Variants in NEK10 observed in about 807,000 individuals in gnomAD.
NEK10 encodes NIMA related kinase 10, also known as serine/threonine-protein kinase Nek10.
In NEK10, 122 loss-of-function variants were observed where a neutral mutation model predicts 159.8. The observed-to-expected ratio is 0.76, with a 90% CI of 0.66 to 0.89. The LOEUF is 0.89. Among genes scored for constraint, NEK10 ranks in the 40% least tolerant of loss-of-function variants. The pLI, the probability that NEK10 is intolerant of heterozygous loss-of-function variation, is 0.00. For synonymous variants in NEK10, 466 were observed against 457.1 expected (o/e 1.02, Z -0.25); for missense variants, 1,342 against 1,323.1 (o/e 1.01, Z -0.22).
intron 5 of NEK10, among the ~76,000 whole-genome samples, chr3:27,323,140 G>A (rs762517280): frequency 2.0e-5 from 3 of 152,160 alleles, no homozygotes; most frequent in African/African-American, 7.2e-5. Context: ...GAGAGTGGGA[G>A]AAACAGGAAA....
chr3:27,284,765 A>T (rs2042452695), intron 21 of NEK10, 61 bp from the exon 22 acceptor site: 2 of 1,510,734 alleles, frequency 1.3e-6, no homozygotes, highest in East Asian at 4.5e-5. Flanking sequence ...GCCAAAGATG[A>T]CTACTGCACG....
chr3:27,162,777 A>C (rs1299449934), intron 29 of NEK10, 39 bp from the exon 30 acceptor site: 1 of 1,613,370 alleles, frequency 6.2e-7, no homozygotes, highest in Non-Finnish European at 8.5e-7. Context: ...TGACCTGTTC[A>C]ACTTGGATTT....
intron 5 of NEK10, among the ~76,000 whole-genome samples, chr3:27,326,090 T>G (rs735134): frequency 0.097 from 14,751 of 152,272 alleles, 1,592 homozygotes; most frequent in African/African-American, 0.27. Context: ...TACCCTGCAT[T>G]GGGAAAAATA....
At chr3:27,241,798 T>G (rs1410828917) in intron 23 of NEK10, among the ~76,000 whole-genome samples, 7 of 152,212 alleles carry the variant, frequency 4.6e-5, no homozygotes, top group Admixed American at 4.6e-4. Flanking sequence ...GGGACTTTAT[T>G]GATAGGCTCC....
chr3:27,138,453 A>G (rs907131787), intron 31 of NEK10, among the ~76,000 whole-genome samples: 2 of 152,018 alleles, frequency 1.3e-5, no homozygotes. Context: ...GCCCAATTCT[A>G]TATTTGTTCC....
At chr3:27,139,933 T>C (rs1943617071) in intron 31 of NEK10, among the ~76,000 whole-genome samples, 6 of 152,168 alleles carry the variant, frequency 3.9e-5, no homozygotes, top group Admixed American at 3.9e-4. Context: ...CTGTGGTTGC[T>C]CTCCTTTGGA....
chr3:27,162,176 G>C, intron 30 of NEK10: 1 of 379,302 alleles, frequency 2.6e-6, no homozygotes, highest in Non-Finnish European at 4.8e-6. Flanking sequence ...TTTGTTTGTA[G>C]GTATGTACTT....
At chr3:27,294,490 C>G (rs1021242597) in intron 15 of NEK10, among the ~76,000 whole-genome samples, 2 of 152,186 alleles carry the variant, frequency 1.3e-5, no homozygotes, top group Admixed American at 1.3e-4. Context: ...AGCCCTCCAT[C>G]TGGAATTCTA....
chr3:27,120,327 C>CA (rs1553634967), intron 32 of NEK10, among the ~76,000 whole-genome samples: 1 of 142,284 alleles, frequency 7.0e-6, no homozygotes, highest in Non-Finnish European at 1.5e-5. Flanking sequence ...TTTCTTTTTT[C>CA]TTTTTTTTTT....
chr3:27,119,974 TTAGTG>T, intron 32 of NEK10, 106 bp from the exon 33 acceptor site: 1 of 765,702 alleles, frequency 1.3e-6, no homozygotes, highest in South Asian at 1.6e-5. Context: ...CACAGAAAAT[TTAGTG>T]TTCTGTGGTT....
intron 25 of NEK10, among the ~76,000 whole-genome samples, chr3:27,200,388 T>G (rs1251390605): frequency 6.6e-6 from 1 of 152,064 alleles, no homozygotes; most frequent in East Asian, 1.9e-4. Context: ...ACTCTAGAAT[T>G]TCTACAATCC....
chr3:27,180,075 T>C (rs1947917495), intron 26 of NEK10, among the ~76,000 whole-genome samples: 1 of 151,472 alleles, frequency 6.6e-6, no homozygotes, highest in South Asian at 2.1e-4. Context: ...AGCAAGACTC[T>C]GTCTCAAGAA....
At position 27,111,303 on chromosome 3, in the gene NEK10, C is replaced by T; in HGVS notation, c.3317G>A (p.Trp1106Ter). Residue 1106 changes from tryptophan (W) to a stop codon, truncating the protein, a stop_gained, in exon 36 of 36, where the codon TGG becomes TAG. Transcript: ENST00000691995. LOFTEE classifies it high-confidence loss of function. ...TTTGGTTGGGTGATTCTTGGTCCCC[C>T]ATGGATAGGAATGATACCTATAAGA... ...FTSNRYHSYP[W>*]GTKNHPTKR 6.2e-7 allele frequency: 1 copy of T among 1,607,844 alleles called. No individual in the cohort carries two copies. Among genetic ancestry groups the T allele is most frequent in the Non-Finnish European group, 8.5e-7 (1 of 1,176,754 alleles).
intron 6 of NEK10, among the ~76,000 whole-genome samples, chr3:27,315,913 A>G (rs2045123564): frequency 6.6e-6 from 1 of 152,208 alleles, no homozygotes; most frequent in Non-Finnish European, 1.5e-5. Flanking sequence ...TGCCAAGTAA[A>G]GATCGGGAAG....
chr3:27,258,429 T>C (rs978055097), intron 22 of NEK10, among the ~76,000 whole-genome samples: 1 of 146,930 alleles, frequency 6.8e-6, no homozygotes. Flanking sequence ...GTCCATGTGT[T>C]CTCATTGTTC....
chr3:27,331,079 A>G lies in NEK10; in HGVS notation c.363-8818T>C, dbSNP rs557225113. On this transcript the variant is annotated intron_variant, in intron 5 of 35. Transcript: ENST00000691995. The stretch of plus-strand genomic sequence containing the variant: ...GGCGAAACCCTGTCTCTACTAAAAA[A>G]TACAAAAATTAGCCAATCGTGGTGG... 2.0e-5 allele frequency among the ~76,000 whole-genome samples: 3 copies of G among 152,040 alleles called. No homozygotes were observed. In the South Asian group the frequency reaches 6.2e-4, roughly 32 times the overall value.
At chr3:27,272,134 C>T (rs1204844760) in intron 22 of NEK10, among the ~76,000 whole-genome samples, 2 of 152,212 alleles carry the variant, frequency 1.3e-5, no homozygotes, top group Admixed American at 1.3e-4. Context: ...ATTCCCAACC[C>T]TATCCACAGG....
intron 15 of NEK10, among the ~76,000 whole-genome samples, chr3:27,294,243 T>C (rs1443782682): frequency 5.3e-5 from 8 of 152,174 alleles, no homozygotes; most frequent in Admixed American, 5.2e-4. Flanking sequence ...CATTTTGCAG[T>C]ACTGAGAAAA....
At chr3:27,152,471 A>T (rs1274854938) in intron 30 of NEK10, among the ~76,000 whole-genome samples, 1 of 152,176 alleles carries the variant, frequency 6.6e-6, no homozygotes, top group East Asian at 1.9e-4. Context: ...CCAAGCCACC[A>T]CTACAGGAAC....
Sources: allele counts gnomAD v4.1 joint callset (sites outside exome capture counted in the v4.1 genomes callset), GRCh38; gene constraint gnomAD v4.1.1; transcripts MANE v1.5; gene names NCBI Gene and HGNC (gene_info 2026-07-23, HGNC 2026-07-21).